The following ACYP2 variants were observed in gnomAD, a reference collection of about 807,000 sequenced individuals.
The protein encoded by ACYP2 is acylphosphatase 2, also known as acylphosphatase-2.
Under a neutral mutation model 11.2 loss-of-function variants are expected in ACYP2, and 12 were observed. The observed-to-expected ratio is 1.08, with a 90% confidence interval of 0.69 to 1.74. The LOEUF (loss-of-function observed/expected upper bound fraction) is 1.74. Ranked by LOEUF, ACYP2 falls within the 40% of genes most tolerant of loss-of-function variation. ACYP2 has a pLI of 0.00. For missense variants in ACYP2, 134 were observed against 101.9 expected (o/e 1.31, Z -1.35); for synonymous variants, 43 against 32.2 (o/e 1.33, Z -1.13).
chr2:54,182,805 C>T (rs1344142105), intron 6 of ACYP2, among the ~76,000 whole-genome samples: 1 of 151,958 alleles, frequency 6.6e-6, no homozygotes, highest in Non-Finnish European at 1.5e-5. Flanking sequence ...TTTTTCTTGG[C>T]TTATTATTTG....
chr2:54,148,890 A>G (rs1682020191), intron 6 of ACYP2, among the ~76,000 whole-genome samples: 2 of 152,238 alleles, frequency 1.3e-5, no homozygotes, highest in African/African-American at 4.8e-5. Flanking sequence ...TCAGTGTGGC[A>G]CATTTGTAGC....
rs575224905 is a variant in ACYP2, at chr2:54,186,773, C to T, written c.404+48025C>T. On this transcript the variant is annotated intron_variant, in intron 6 of 6. Coordinates refer to ENST00000607452, the MANE Select transcript of ACYP2 (RefSeq NM_001320586.2). ...AGGTGATCCACCTGCCTCAGCCTCC[C>T]CAAGTGTTGGCATTACAGGTGTGAG... 2.0e-5 allele frequency among the ~76,000 whole-genome samples: 3 copies of T among 152,220 alleles called. No homozygotes were observed. The South Asian group carries it at 6.2e-4, about 32-fold the overall frequency.
intron 5 of ACYP2, 111 bp from the exon 3 acceptor site, chr2:54,138,528 A>T: frequency 1.3e-6 from 1 of 744,876 alleles, no homozygotes. Context: ...GTTGGCATTG[A>T]CTACAAAAAA....
chr2:54,198,323 T>C (rs1012083849), intron 6 of ACYP2, among the ~76,000 whole-genome samples: 5 of 152,122 alleles, frequency 3.3e-5, no homozygotes, highest in African/African-American at 1.2e-4. Flanking sequence ...GGGCAACTTA[T>C]GATTTTAAAA....
rs72908750 is a variant in ACYP2 at position 54,207,523 on chromosome 2, T to C, written c.404+68775T>C. 2.1e-3 allele frequency among the ~76,000 whole-genome samples: 317 copies of C among 152,352 alleles called. 1 individual carries two copies. Among genetic ancestry groups the C allele is most frequent in the African/African-American group, 7.3e-3 (304 of 41,592 alleles). On this transcript the variant is annotated intron_variant, in intron 6 of 6. Transcript: ENST00000607452. ...TACAAAATACTTTTACAGCAACTTC[T>C]AGACTAAAATTTGACCAAACAATTA...
intron 6 of ACYP2, among the ~76,000 whole-genome samples, chr2:54,273,996 T>C (rs138654654): frequency 3.5e-4 from 53 of 152,354 alleles, no homozygotes; most frequent in African/African-American, 1.2e-3. Flanking sequence ...AATTGTTCTT[T>C]AGGCTGGGCA....
intron 4 of ACYP2, among the ~76,000 whole-genome samples, chr2:54,110,706 A>T (rs1679414048): frequency 6.6e-6 from 1 of 152,070 alleles, no homozygotes; most frequent in South Asian, 2.1e-4. Flanking sequence ...GAAATGCAGT[A>T]GGGAACTGTG....
intron 2 of ACYP2, among the ~76,000 whole-genome samples, chr2:54,035,974 A>G (rs1674877209): frequency 6.6e-6 from 1 of 152,254 alleles, no homozygotes; most frequent in African/African-American, 2.4e-5. Context: ...ATATATCTAA[A>G]GATATCAGTC....
At chr2:54,049,301 T>C (rs936554632) in intron 2 of ACYP2, among the ~76,000 whole-genome samples, 2 of 152,094 alleles carry the variant, frequency 1.3e-5, no homozygotes, top group Non-Finnish European at 2.9e-5. Context: ...AGTGCCACCC[T>C]GATCTTTTGT....
intron 2 of ACYP2, chr2:54,030,000 A>G (rs904917738): frequency 8.2e-6 from 2 of 242,808 alleles, no homozygotes; most frequent in East Asian, 2.0e-4. Context: ...TAATTCCACC[A>G]GACCAATTCA....
In ACYP2 at chr2:54,239,698, T is replaced by C. The variant is rs1157382188; in HGVS notation, c.405-64990T>C. Among the ~76,000 whole-genome samples, 3 of 152,192 alleles carry C rather than the reference T, an allele frequency of 2.0e-5. No individual in the cohort carries two copies. The East Asian group carries it at 5.8e-4, about 29-fold the overall frequency. ...CAAGGTTATAAAGGGCACAGCATCA[T>C]CACAGCTGAACTAAAATTTAATATG... On this transcript the variant is annotated intron_variant, in intron 6 of 6. Coordinates refer to ENST00000607452, the MANE Select transcript of ACYP2 (RefSeq NM_001320586.2).
At chr2:54,206,491 G>C (rs1428968576) in intron 6 of ACYP2, among the ~76,000 whole-genome samples, 1 of 152,176 alleles carries the variant, frequency 6.6e-6, no homozygotes, top group African/African-American at 2.4e-5. Flanking sequence ...CTGTCACTTT[G>C]CTAAAGGTCT....
chr2:54,010,932 G>A (rs909218203), intron 2 of ACYP2, among the ~76,000 whole-genome samples: 2 of 151,810 alleles, frequency 1.3e-5, no homozygotes, highest in African/African-American at 4.8e-5. Context: ...GCTTCCCAAA[G>A]TGCTAGGATT....
chr2:54,191,069 C>G (rs1684218876), intron 6 of ACYP2, among the ~76,000 whole-genome samples: 1 of 152,052 alleles, frequency 6.6e-6, no homozygotes, highest in African/African-American at 2.4e-5. Context: ...CCAGTGATCC[C>G]CTCCTCAGCC....
chr2:54,019,943 T>TTTG (rs1403640747), intron 2 of ACYP2, among the ~76,000 whole-genome samples: 1 of 151,944 alleles, frequency 6.6e-6, no homozygotes, highest in Non-Finnish European at 1.5e-5. Context: ...GATGCTTCTT[T>TTTG]TTTGTTTGTT....
intron 4 of ACYP2, chr2:54,084,484 G>T (rs1677838247): frequency 6.6e-6 from 1 of 152,208 alleles, no homozygotes; most frequent in African/African-American, 2.4e-5. Context: ...TAGAGACGGG[G>T]TTTCACCATA....
intron 4 of ACYP2, among the ~76,000 whole-genome samples, chr2:54,070,915 T>G (rs545253274): frequency 6.6e-6 from 1 of 151,978 alleles, no homozygotes; most frequent in South Asian, 2.1e-4. Flanking sequence ...TGTTTGTTTG[T>G]TTGTTTGTTT....
intron 4 of ACYP2, among the ~76,000 whole-genome samples, chr2:54,128,778 G>C (rs144444524): frequency 1.8e-4 from 27 of 151,776 alleles, no homozygotes; most frequent in African/African-American, 4.3e-4. Context: ...TAGGGCAAGC[G>C]TGGTACTATG....
rs1683873553 is a variant in ACYP2, at chr2:54,184,235, A to G, written c.404+45487A>G. Among the ~76,000 whole-genome samples the G allele has an allele frequency of 2.6e-5, 4 of 152,316 alleles. No homozygotes were observed. The South Asian group carries it at 8.3e-4, about 32-fold the overall frequency. ...TTGAGAACTCAGGGCCAGACATACA[A>G]AGAAACATTTCTCAGGGACCTGAGT... On this transcript the variant is annotated intron_variant, in intron 6 of 6. Coordinates refer to ENST00000607452, the MANE Select transcript of ACYP2 (RefSeq NM_001320586.2).
Sources: gnomAD v4.1 joint callset for allele counts (sites outside exome capture counted in the v4.1 genomes callset) on GRCh38, gnomAD v4.1.1 for gene constraint, MANE v1.5 for transcripts, NCBI Gene and HGNC (gene_info 2026-07-23, HGNC 2026-07-21) for gene names.